Variants in PALLD observed in about 807,000 individuals in gnomAD.
PALLD encodes palladin, cytoskeletal associated protein, also known as palladin.
In PALLD, 61 loss-of-function variants were observed where a neutral mutation model predicts 123.5. That is an observed-to-expected ratio of 0.49 (90% CI 0.40 to 0.61). The LOEUF (loss-of-function observed/expected upper bound fraction) is 0.61. Among genes scored for constraint, PALLD ranks in the 20% least tolerant of loss-of-function variants. The pLI is 0.00. For synonymous variants in PALLD, 465 were observed against 496.4 expected, an observed-to-expected ratio of 0.94 and a Z score of 0.84; for missense variants, 1,273 against 1,377.0, an observed-to-expected ratio of 0.92 and a Z score of 1.20.
rs77355533 is a variant in PALLD at position 168,498,652 on chromosome 4, C to T, written c.-83+1458C>T. Among the ~76,000 whole-genome samples, 339 of 152,168 alleles carry T rather than the reference C, an allele frequency of 2.2e-3. 4 individuals carry two copies. The highest frequency in any genetic ancestry group is 0.02 in the East Asian group (106 of 5,174). On this transcript the variant is annotated intron_variant, in intron 1 of 21. Transcript: ENST00000505667. ...CCATCTAGAGTTAATGACTGTGTCC[C>T]GGTGAAATTACAGCAAAGAAAACAA...
Position 168,511,796 on chromosome 4 carries a change from A to C in PALLD, c.292A>C (p.Arg98=). The C allele has an allele frequency of 6.2e-7, 1 of 1,614,204 alleles. No individual in the cohort carries two copies. The highest frequency in any genetic ancestry group is 8.5e-7 in the Non-Finnish European group (1 of 1,180,026). ...CGCCTCGAGGAGACCTCAGGATAACAGGTCAACACCTGTCCAGCCTCTGGC... is the reference window on the plus strand; with the variant it reads ...CGCCTCGAGGAGACCTCAGGATAACCGGTCAACACCTGTCCAGCCTCTGGC... ...EHASRRPQDN[R]STPVQPLAEK... The change falls in exon 2 of 22, where the codon AGG becomes CGG. Residue 98 remains arginine (R), a synonymous_variant. Coordinates refer to ENST00000505667, the MANE Select transcript of PALLD (RefSeq NM_001166108.2).
At chr4:168,624,239 C>A (rs28458841) in intron 2 of PALLD, among the ~76,000 whole-genome samples, 6,132 of 151,798 alleles carry the variant, frequency 0.04, 396 homozygotes, top group African/African-American at 0.14. Flanking sequence ...ATTACCATGA[C>A]GAAATGGAGC....
At chr4:168,828,058 C>T (rs1287062032) in intron 10 of PALLD, among the ~76,000 whole-genome samples, 1 of 152,140 alleles carries the variant, frequency 6.6e-6, no homozygotes, top group Non-Finnish European at 1.5e-5. Context: ...CAACAACAAA[C>T]ATCAAAACAC....
chr4:168,915,943 G>A lies in PALLD; in HGVS notation c.2766G>A (p.Gln922=). The part of the protein sequence containing the change: ...RDSGDENEPI[Q]ERFFRPHFLQ... ...GTGGAGACGAAAATGAACCAATTCA[G>A]GAGCGATTCTTCAGACCTCACTTCT... Residue 922 remains glutamine (Q), a synonymous_variant, in exon 17 of 22, where the codon CAG becomes CAA. Coordinates refer to ENST00000505667, the MANE Select transcript of PALLD (RefSeq NM_001166108.2). The A allele has an allele frequency of 1.9e-6, 3 of 1,613,296 alleles. No homozygotes were observed. Among genetic ancestry groups the A allele is most frequent in the Non-Finnish European group, 2.5e-6 (3 of 1,179,282 alleles).
intron 10 of PALLD, among the ~76,000 whole-genome samples, chr4:168,854,505 G>A (rs147793007): frequency 0.011 from 1,674 of 152,274 alleles, 14 homozygotes; most frequent in Middle Eastern, 0.031. Flanking sequence ...GCCCTGTGCC[G>A]ATTTTGTAGG....
At chr4:168,699,839 AT>A (rs1783503509) in intron 8 of PALLD, among the ~76,000 whole-genome samples, 1 of 152,164 alleles carries the variant, frequency 6.6e-6, no homozygotes, top group South Asian at 2.1e-4. Flanking sequence ...ACCTTAGGAA[AT>A]CCAAACATGG....
At chr4:168,870,503 T>C (rs936403340) in intron 10 of PALLD, among the ~76,000 whole-genome samples, 2 of 152,202 alleles carry the variant, frequency 1.3e-5, no homozygotes, top group East Asian at 1.9e-4. Context: ...AAAACTGATA[T>C]ATACGTTTTT....
At chr4:168,748,930 CAT>C (rs1333914825) in intron 10 of PALLD, among the ~76,000 whole-genome samples, 2 of 152,174 alleles carry the variant, frequency 1.3e-5, no homozygotes, top group Non-Finnish European at 2.9e-5. Context: ...TGTCATATAA[CAT>C]AATCATGGGA....
intron 11 of PALLD, among the ~76,000 whole-genome samples, chr4:168,892,227 A>G (rs1348440869): frequency 6.6e-6 from 1 of 152,220 alleles, no homozygotes; most frequent in East Asian, 1.9e-4. Context: ...AAGACTTACC[A>G]GGTAAAGGAG....
intron 15 of PALLD, among the ~76,000 whole-genome samples, chr4:168,904,491 C>T (rs1273813007): frequency 1.3e-5 from 2 of 152,104 alleles, no homozygotes; most frequent in African/African-American, 4.8e-5. Flanking sequence ...TAGGAGGCTG[C>T]TGGGTATCAT....
chr4:168,802,559 C>T lies in PALLD; in HGVS notation c.1965-88363C>T, dbSNP rs577892405. ...TGGACATAAACATGGGAAAAATAGA[C>T]ACTGCAGACGACTAGAGTTGGTGCG... On this transcript the variant is annotated intron_variant, in intron 10 of 21. Coordinates refer to ENST00000505667, the MANE Select transcript of PALLD (RefSeq NM_001166108.2). Among the ~76,000 whole-genome samples the T allele has an allele frequency of 3.2e-4, 49 of 152,290 alleles. No individual in the cohort carries two copies. In the South Asian group the frequency reaches 0.01, roughly 32 times the overall value.
intron 2 of PALLD, among the ~76,000 whole-genome samples, chr4:168,615,507 C>T (rs983715862): frequency 6.6e-6 from 1 of 152,180 alleles, no homozygotes; most frequent in African/African-American, 2.4e-5. Context: ...TAAGTACTGA[C>T]ATTACATTTC....
intron 10 of PALLD, among the ~76,000 whole-genome samples, chr4:168,759,917 G>A (rs774341028): frequency 7.9e-5 from 12 of 152,022 alleles, no homozygotes; most frequent in Non-Finnish European, 1.3e-4. Context: ...AGCCAGGGGT[G>A]GTGGCTCACG....
At chr4:168,718,931 G>A (rs13103734) in intron 10 of PALLD, among the ~76,000 whole-genome samples, 54,668 of 144,620 alleles carry the variant, frequency 0.38, 10,671 homozygotes, top group Non-Finnish European at 0.43. Context: ...TTTTTGAGAC[G>A]GAGTCTCGCT....
intron 2 of PALLD, among the ~76,000 whole-genome samples, chr4:168,515,225 C>G (rs966300580): frequency 6.6e-6 from 1 of 152,180 alleles, no homozygotes; most frequent in African/African-American, 2.4e-5. Context: ...CGCCTAAGAA[C>G]ATTGAGCTCT....
intron 10 of PALLD, among the ~76,000 whole-genome samples, chr4:168,879,275 C>G (rs952392471): frequency 6.6e-6 from 1 of 152,024 alleles, no homozygotes; most frequent in African/African-American, 2.4e-5. Flanking sequence ...TACAGAAGTA[C>G]AGTAAAATCC....
At chr4:168,711,982 G>A (rs537984145) in intron 10 of PALLD, 59 bp downstream of exon 10, 4 of 1,488,296 alleles carry the variant, frequency 2.7e-6, no homozygotes, top group East Asian at 2.3e-5. Flanking sequence ...TTTCCTGTCT[G>A]GTGAGAAAAA....
At chr4:168,547,945 CA>C (rs33961230) in intron 2 of PALLD, among the ~76,000 whole-genome samples, 48,702 of 81,118 alleles carry the variant, frequency 0.6, 11,496 homozygotes, top group East Asian at 0.77. Context: ...GACTCCGTCT[CA>C]AAAAAAAAAA....
chr4:168,919,980 C>T (rs774889453), intron 17 of PALLD, among the ~76,000 whole-genome samples: 14 of 152,252 alleles, frequency 9.2e-5, no homozygotes, highest in Middle Eastern at 3.4e-3. Flanking sequence ...TGAGAGTACG[C>T]GTGCTTTGGG....
Sources: gnomAD v4.1 joint callset for allele counts (sites outside exome capture counted in the v4.1 genomes callset) on GRCh38, gnomAD v4.1.1 for gene constraint, MANE v1.5 for transcripts, NCBI Gene and HGNC (gene_info 2026-07-23, HGNC 2026-07-21) for gene names.